The following PABPC1 variants were observed in gnomAD, a reference collection of about 807,000 sequenced individuals.
PABPC1 encodes the protein polyadenylate-binding protein 1.
In PABPC1, 4 loss-of-function variants were observed where a neutral mutation model predicts 74.0. The observed-to-expected ratio is 0.05, with a 90% confidence interval of 0.03 to 0.12. PABPC1 has a LOEUF of 0.12. Among genes scored for constraint, PABPC1 ranks in the 10% least tolerant of loss-of-function variants. The probability of loss-of-function intolerance (pLI) is 1.00; values close to 1 mark genes in which losing one functional copy is unlikely to be tolerated. For missense variants in PABPC1, 271 were observed against 821.1 expected (o/e 0.33, Z 8.19); for synonymous variants, 227 against 264.1 (o/e 0.86, Z 1.36).
intron 14 of PABPC1, 44 bp downstream of exon 14, chr8:100,704,253 G>T: frequency 7.1e-7 from 1 of 1,411,436 alleles, no homozygotes; most frequent in South Asian, 1.2e-5. Flanking sequence ...TATAAAAGAT[G>T]AAGAAAACAA....
chr8:100,714,418 G>A (rs551892483), intron 4 of PABPC1, among the ~76,000 whole-genome samples: 1 of 152,168 alleles, frequency 6.6e-6, no homozygotes, highest in Non-Finnish European at 1.5e-5. Flanking sequence ...GATGTGACAT[G>A]CTAGCATGGC....
Position 100,721,506 on chromosome 8 carries a change from C to T in PABPC1, c.78G>A (p.Met26Ile), listed in dbSNP as rs1810831030. The T allele has an allele frequency of 6.2e-7, 1 of 1,611,534 alleles. No individual in the cohort carries two copies. The highest frequency in any genetic ancestry group is 1.7e-5 in the Admixed American group (1 of 59,862). The stretch of plus-strand genomic sequence containing the variant: ...CGGCCGGGCTGAACTTCTCGTAGAG[C>T]ATCGCCTCGGTCACGTCGGGGTGGA... ...GDLHPDVTEA[M>I]LYEKFSPAGP... The change falls in exon 1 of 15, where the codon ATG (methionine) becomes ATA (isoleucine). Residue 26 changes from methionine to isoleucine, a missense_variant. Met to Ile is a conservative substitution (Grantham distance 10). Around this residue, in one of 7 missense-constraint regions of PABPC1, gnomAD observed 47 missense variants for 214.1 expected, o/e 0.22. Transcript: ENST00000318607. The surrounding 1 kb of genome is among the most constrained non-coding windows in gnomAD (Gnocchi z 7.4).
intron 13 of PABPC1, 106 bp downstream of exon 13, chr8:100,704,820 C>T (rs945775614): frequency 7.1e-6 from 8 of 1,131,126 alleles, no homozygotes; most frequent in East Asian, 4.7e-5. Context: ...TACAACTGTA[C>T]ATGGCTTATA....
intron 7 of PABPC1, 128 bp from the exon 8 acceptor site, chr8:100,709,859 G>T: frequency 1.8e-6 from 2 of 1,096,984 alleles, no homozygotes; most frequent in Non-Finnish European, 2.5e-6. Context: ...TAATCATCTT[G>T]TATTTACCCA....
Position 100,709,756 on chromosome 8 carries a change from T to C in PABPC1, c.973-25A>G, listed in dbSNP as rs1246935801. The stretch of plus-strand genomic sequence containing the variant: ...CCTATTAAAAAAAAGAAAAAAAAAG[T>C]TAACGTAATGGTAGAATGAGGAGCA... On this transcript the variant is annotated intron_variant, in intron 7 of 14. Transcript: ENST00000318607. 5.1e-6 allele frequency: 8 copies of C among 1,567,466 alleles called. No individual in the cohort carries two copies. The South Asian group carries it at 9.4e-5, about 18-fold the overall frequency.
rs1419463649 is a variant in PABPC1 at position 100,703,094 on chromosome 8, T to A, written c.*267A>T. The A allele has an allele frequency of 1.2e-5, 2 of 163,714 alleles. No individual in the cohort carries two copies. The highest frequency in any genetic ancestry group is 2.4e-5 in the African/African-American group (1 of 41,488). 10.1% of individuals were successfully genotyped at this position (163,714 alleles called of 1,614,324 possible). On this transcript the variant is annotated 3_prime_UTR_variant, in exon 15 of 15. Transcript: ENST00000318607. ...TTTTGTACTTTGCTGAAAATTCTTT[T>A]TCCCAGGGTCTATAAAACATTAATT...
At chr8:100,719,166 T>C (rs1185318723) in intron 1 of PABPC1, among the ~76,000 whole-genome samples, 1 of 152,168 alleles carries the variant, frequency 6.6e-6, no homozygotes, top group Non-Finnish European at 1.5e-5. Flanking sequence ...AAATAACACA[T>C]CCTTAAATAA....
intron 3 of PABPC1, among the ~76,000 whole-genome samples, chr8:100,717,107 T>G (rs1225369001): frequency 3.3e-5 from 5 of 151,858 alleles, no homozygotes; most frequent in Non-Finnish European, 7.4e-5. Context: ...GCCTCCCGGG[T>G]TTAAGTGATT....
chr8:100,710,955 C>G (rs1245920460), intron 7 of PABPC1, among the ~76,000 whole-genome samples: 1 of 150,488 alleles, frequency 6.6e-6, no homozygotes, highest in African/African-American at 2.5e-5. Flanking sequence ...CCACTTCACT[C>G]CATCTCAAAA....
chr8:100,706,573 C>A (rs1047389812), intron 11 of PABPC1, 78 bp downstream of exon 11: 1 of 1,298,192 alleles, frequency 7.7e-7, no homozygotes, highest in Admixed American at 1.8e-5. Flanking sequence ...AGGTGTGAGC[C>A]ACTGTGCCCA....
chr8:100,713,846 G>A (rs569427246), intron 4 of PABPC1, among the ~76,000 whole-genome samples: 1 of 151,918 alleles, frequency 6.6e-6, no homozygotes, highest in South Asian at 2.1e-4. Context: ...TGGCCTACCC[G>A]ACTTTCAACA....
At chr8:100,719,806 A>ACTCT (rs1427028055) in intron 1 of PABPC1, among the ~76,000 whole-genome samples, 3 of 152,144 alleles carry the variant, frequency 2.0e-5, no homozygotes, top group African/African-American at 7.2e-5. Context: ...TTCTCCACCA[A>ACTCT]CTCTTAGGTT....
At chr8:100,717,985 T>C in intron 2 of PABPC1, 97 bp from the exon 3 acceptor site, 1 of 1,324,936 alleles carries the variant, frequency 7.5e-7, no homozygotes, top group Non-Finnish European at 1.1e-6. Context: ...ACCTGGATAT[T>C]TGTGAAATAA....
rs994530914 is a variant in PABPC1 at position 100,709,739 on chromosome 8, A to G, written c.973-8T>C. The G allele has an allele frequency of 6.8e-7, 1 of 1,476,968 alleles. No individual in the cohort carries two copies. Among genetic ancestry groups the G allele is most frequent in the Non-Finnish European group, 9.0e-7 (1 of 1,108,028 alleles). 91.5% of individuals were successfully genotyped at this position (1,476,968 alleles called of 1,614,324 possible). ...ACCACCCTCCATCATAACCTATTAA[A>G]AAAAAGAAAAAAAAAGTTAACGTAA... is the stretch of plus-strand genomic sequence containing the variant. On this transcript the variant is annotated splice_region_variant and splice_polypyrimidine_tract_variant and intron_variant, in intron 7 of 14. Transcript: ENST00000318607.
chr8:100,706,466 T>C (rs568024670), intron 11 of PABPC1, among the ~76,000 whole-genome samples, 185 bp downstream of exon 11: 1 of 152,086 alleles, frequency 6.6e-6, no homozygotes, highest in South Asian at 2.1e-4. Context: ...GCTAGTTTTC[T>C]TTGTGGAGAC....
chr8:100,705,381 C>G (rs911410541), intron 12 of PABPC1, among the ~76,000 whole-genome samples: 1 of 152,230 alleles, frequency 6.6e-6, no homozygotes, highest in Non-Finnish European at 1.5e-5. Context: ...GTGAGTAATG[C>G]CCTACTACCC....
At chr8:100,707,489 T>C (rs1296223206) in intron 9 of PABPC1, among the ~76,000 whole-genome samples, 1 of 152,188 alleles carries the variant, frequency 6.6e-6, no homozygotes, top group Non-Finnish European at 1.5e-5. Flanking sequence ...CTTCCCCGCC[T>C]GGCAGCCGAG....
At position 100,705,446 on chromosome 8, in the gene PABPC1, C is replaced by T. The variant is rs138616995; in HGVS notation, c.1687+143G>A. On this transcript the variant is annotated intron_variant, in intron 12 of 14. Coordinates refer to ENST00000318607, the MANE Select transcript of PABPC1 (RefSeq NM_002568.4). The stretch of plus-strand genomic sequence containing the variant: ...TGGCTTTCCAGTGGTTTTAATTAGG[C>T]AGACCAACTGTACTATCATAATCAT... 250 of 712,378 alleles carry T rather than the reference C, an allele frequency of 3.5e-4. 2 individuals carry two copies. The East Asian group carries it at 6.7e-3, about 19-fold the overall frequency. The allele number at this position is 712,378 out of a possible 1,614,324, so 44.1% of individuals were successfully genotyped here.
intron 11 of PABPC1, among the ~76,000 whole-genome samples, chr8:100,705,934 C>T (rs1202778800): frequency 6.6e-6 from 1 of 152,222 alleles, no homozygotes; most frequent in Non-Finnish European, 1.5e-5. Flanking sequence ...CTGCAACCTC[C>T]GCCTCCGGAT....
Sources: allele counts gnomAD v4.1 joint callset (sites outside exome capture counted in the v4.1 genomes callset), GRCh38; gene constraint gnomAD v4.1.1; regional missense constraint gnomAD v4.1.1; non-coding constraint Gnocchi (gnomAD v3.1); transcripts MANE v1.5; gene names NCBI Gene and HGNC (gene_info 2026-07-23, HGNC 2026-07-21).